Variants in TTC7B observed in about 807,000 individuals in gnomAD.
TTC7B encodes tetratricopeptide repeat domain 7B, also known as tetratricopeptide repeat protein 7B.
TTC7B carries 28 observed loss-of-function variants against 106.8 expected under a neutral mutation model. The observed-to-expected ratio is 0.26, with a 90% CI of 0.19 to 0.36. The LOEUF (loss-of-function observed/expected upper bound fraction) is 0.36, where lower values mean the gene tolerates loss of function less well. TTC7B is among the 10% of genes least tolerant of loss of function. The pLI is 1.00. For missense variants in TTC7B, 862 were observed against 1,076.4 expected (o/e 0.80, Z 2.79); for synonymous variants, 405 against 430.6 (o/e 0.94, Z 0.74).
chr14:90,786,643 G>A (rs983731983), intron 1 of TTC7B, among the ~76,000 whole-genome samples: 6 of 152,052 alleles, frequency 3.9e-5, no homozygotes, highest in Non-Finnish European at 7.4e-5. Context: ...GCAATAGCAC[G>A]ATCTCGGCTC....
At chr14:90,688,434 C>A (rs930027209) in intron 7 of TTC7B, among the ~76,000 whole-genome samples, 29 of 151,962 alleles carry the variant, frequency 1.9e-4, no homozygotes, top group African/African-American at 6.8e-4. Context: ...ACCATACTGG[C>A]CAACATGGTA....
At chr14:90,603,352 T>C (rs1892510475) in intron 17 of TTC7B, 1 of 1,237,898 alleles carries the variant, frequency 8.1e-7, no homozygotes, top group Non-Finnish European at 1.1e-6. Context: ...AACAAAACAT[T>C]TGAAAAATCA....
intron 3 of TTC7B, among the ~76,000 whole-genome samples, chr14:90,745,388 G>C (rs1889928193): frequency 6.6e-6 from 1 of 151,918 alleles, no homozygotes. Context: ...AAAGCATTCA[G>C]TCAGAAAGCA....
At chr14:90,791,825 C>T (rs1566890234) in intron 1 of TTC7B, among the ~76,000 whole-genome samples, 1 of 152,112 alleles carries the variant, frequency 6.6e-6, no homozygotes, top group Non-Finnish European at 1.5e-5. Context: ...ACACCAGGAG[C>T]TGCCACCGAG....
At chr14:90,669,330 G>T (rs1886541509) in intron 9 of TTC7B, among the ~76,000 whole-genome samples, 1 of 152,006 alleles carries the variant, frequency 6.6e-6, no homozygotes, top group African/African-American at 2.4e-5. Flanking sequence ...GACACCAAAG[G>T]CATAAGCAAC....
chr14:90,655,506 C>T (rs568186750), intron 11 of TTC7B, among the ~76,000 whole-genome samples: 236 of 152,126 alleles, frequency 1.6e-3, no homozygotes, highest in Non-Finnish European at 2.4e-3. Flanking sequence ...CCTTTCTTTC[C>T]CCCCCTACCC....
intron 3 of TTC7B, among the ~76,000 whole-genome samples, chr14:90,770,508 T>C (rs1207610804): frequency 3.9e-5 from 6 of 151,964 alleles, no homozygotes; most frequent in Non-Finnish European, 8.8e-5. Context: ...AATACAAAAT[T>C]AGCTGGGCGT....
intron 5 of TTC7B, among the ~76,000 whole-genome samples, chr14:90,710,104 T>C (rs1186556221): frequency 2.7e-5 from 4 of 147,722 alleles, no homozygotes; most frequent in Non-Finnish European, 6.0e-5. Context: ...CCATTCTAGA[T>C]ACCACTAAGA....
rs1003782888 is a variant in TTC7B, at chr14:90,578,417, A to G, written c.2108-109T>C. 7 of 1,146,810 alleles carry G rather than the reference A, an allele frequency of 6.1e-6. No individual in the cohort carries two copies. The highest frequency in any genetic ancestry group is 4.0e-5 in the Admixed American group (2 of 49,470). The allele number at this position is 1,146,810 out of a possible 1,614,324, so 71.0% of individuals were successfully genotyped here. The stretch of plus-strand genomic sequence containing the variant: ...CCTGCACGGGAGTCTGGCGGGGCGC[A>G]GAGCCAGCTGATCCCTGCTCCAAGT... On this transcript the variant is annotated intron_variant, in intron 18 of 19. Transcript: ENST00000328459. This position sits in a 1 kb window ranked among gnomAD's most constrained non-coding sequence, Gnocchi z 4.7.
At chr14:90,730,326 AG>A in intron 4 of TTC7B, 130 bp from the exon 5 acceptor site, 1 of 1,049,956 alleles carries the variant, frequency 9.5e-7, no homozygotes, top group African/African-American at 1.6e-5. Context: ...GCAGAGGCAC[AG>A]GTGTAGAAGT....
At chr14:90,635,738 C>T (rs1214677234) in intron 15 of TTC7B, among the ~76,000 whole-genome samples, 3 of 136,066 alleles carry the variant, frequency 2.2e-5, no homozygotes, top group African/African-American at 8.3e-5. Context: ...CCAGCCTGGG[C>T]GACAGAGTCA....
rs1209931128 is a variant in TTC7B at position 90,536,609 on chromosome 14, C to T, written c.*4759G>A. On this transcript the variant is annotated 3_prime_UTR_variant, in exon 20 of 20. Transcript: ENST00000328459. ...GGCGTCTCCCCTCCCTCACACCCAG[C>T]TCCATGTGTGAGCAACCCTCTTGGC... 1 of 152,640 alleles carries T rather than the reference C, an allele frequency of 6.6e-6. No individual in the cohort carries two copies. The highest frequency in any genetic ancestry group is 2.4e-5 in the African/African-American group (1 of 41,454). 9.5% of individuals were successfully genotyped at this position (152,640 alleles called of 1,614,324 possible).
rs1885489229 is a variant in TTC7B, at chr14:90,647,042, C to G, written c.1518-19G>C. ...GTGGGCCCTGAAAAAGTATTTACGG[C>G]TATTAGTACATGGGAGAGGAGGCCA... On this transcript the variant is annotated intron_variant, in intron 13 of 19. Coordinates refer to ENST00000328459, the MANE Select transcript of TTC7B (RefSeq NM_001010854.2). The G allele has an allele frequency of 1.2e-6, 2 of 1,613,292 alleles. No individual in the cohort carries two copies. The highest frequency in any genetic ancestry group is 1.7e-6 in the Non-Finnish European group (2 of 1,179,378).
At chr14:90,630,949 C>T (rs994401745) in intron 15 of TTC7B, among the ~76,000 whole-genome samples, 1 of 151,936 alleles carries the variant, frequency 6.6e-6, no homozygotes, top group African/African-American at 2.4e-5. Context: ...ATTCTCCTGC[C>T]TCAGCCTCCC....
At chr14:90,658,885 CA>C (rs1886064857) in intron 9 of TTC7B, among the ~76,000 whole-genome samples, 1 of 152,216 alleles carries the variant, frequency 6.6e-6, no homozygotes, top group African/African-American at 2.4e-5. Context: ...GAGTAATCTA[CA>C]AACGGACTTC....
chr14:90,589,468 TA>T (rs1169519081), intron 18 of TTC7B, among the ~76,000 whole-genome samples: 1 of 152,252 alleles, frequency 6.6e-6, no homozygotes, highest in African/African-American at 2.4e-5. Context: ...ATGTAAATGC[TA>T]TTTAAATAGT....
intron 7 of TTC7B, among the ~76,000 whole-genome samples, chr14:90,683,583 G>A (rs1171669451): frequency 6.6e-6 from 1 of 152,134 alleles, no homozygotes; most frequent in Admixed American, 6.5e-5. Flanking sequence ...GGACTATCGA[G>A]GCCTCACCAC....
chr14:90,630,024 T>C (rs1414231779), intron 15 of TTC7B, among the ~76,000 whole-genome samples: 1 of 149,218 alleles, frequency 6.7e-6, no homozygotes, highest in Non-Finnish European at 1.5e-5. Context: ...GGGGGAGGGG[T>C]TTGGGCCAGC....
At position 90,808,271 on chromosome 14, in the gene TTC7B, C is replaced by T. The variant is rs1225396134; in HGVS notation, c.121+7904G>A. On this transcript the variant is annotated intron_variant, in intron 1 of 19. Transcript: ENST00000328459. The surrounding 1 kb of genome is among the most constrained non-coding windows in gnomAD (Gnocchi z 4.2). ...GACCAGAGTGGGCAACATAGGGAAA[C>T]CCGTCTCTACAGAAAAAATGAAGAG... Among the ~76,000 whole-genome samples, 1 of 152,138 alleles carries T rather than the reference C, an allele frequency of 6.6e-6. No individual in the cohort carries two copies. Among genetic ancestry groups the T allele is most frequent in the Non-Finnish European group, 1.5e-5 (1 of 68,042 alleles).
Sources: gnomAD v4.1 joint callset for allele counts (sites outside exome capture counted in the v4.1 genomes callset) on GRCh38, gnomAD v4.1.1 for gene constraint, Gnocchi (gnomAD v3.1) non-coding constraint, MANE v1.5 for transcripts, NCBI Gene and HGNC (gene_info 2026-07-23, HGNC 2026-07-21) for gene names.